AGBL1: variants seen among roughly 807,000 people sequenced by gnomAD.
AGBL1 encodes the protein cytosolic carboxypeptidase 4.
AGBL1 carries 130 observed loss-of-function variants against 118.9 expected under a neutral mutation model. The ratio of observed to expected loss-of-function variants is 1.09; its 90% confidence interval spans 0.95 to 1.26. The LOEUF is 1.26. Among genes scored for constraint, AGBL1 ranks in the 50% most tolerant of loss-of-function variants. AGBL1 has a pLI of 0.00. For synonymous variants in AGBL1, 555 were observed against 478.9 expected (o/e 1.16, Z -2.08); for missense variants, 1,584 against 1,298.1 (o/e 1.22, Z -3.38).
chr15:86,695,697 T>A (rs2086243820), intron 22 of AGBL1, among the ~76,000 whole-genome samples: 1 of 152,038 alleles, frequency 6.6e-6, no homozygotes. Flanking sequence ...ATTGCCTATT[T>A]GTGCTTTCTT....
At chr15:86,517,679 C>T (rs1447070342) in intron 18 of AGBL1, among the ~76,000 whole-genome samples, 1 of 152,150 alleles carries the variant, frequency 6.6e-6, no homozygotes, top group Admixed American at 6.6e-5. Context: ...ATTGACTCTC[C>T]TGAGCATTTT....
intron 22 of AGBL1, among the ~76,000 whole-genome samples, chr15:86,767,364 T>C (rs530474342): frequency 2.0e-5 from 3 of 151,914 alleles, no homozygotes; most frequent in African/African-American, 7.2e-5. Flanking sequence ...AAAGCCAAGC[T>C]AGGGAAAGAC....
At chr15:86,576,275 A>T (rs1184591449) in intron 21 of AGBL1, among the ~76,000 whole-genome samples, 1 of 152,206 alleles carries the variant, frequency 6.6e-6, no homozygotes, top group African/African-American at 2.4e-5. Flanking sequence ...CATCAGACAA[A>T]TTAAATTTAG....
At chr15:86,608,261 A>G (rs2084608246) in intron 21 of AGBL1, among the ~76,000 whole-genome samples, 1 of 152,170 alleles carries the variant, frequency 6.6e-6, no homozygotes, top group Admixed American at 6.5e-5. Context: ...AACTACAATA[A>G]TCTCTACTAT....
chr15:86,098,978 C>G (rs1411931291), intron 1 of AGBL1, among the ~76,000 whole-genome samples: 1 of 152,084 alleles, frequency 6.6e-6, no homozygotes, highest in East Asian at 1.9e-4. Flanking sequence ...GTGTCCTCCT[C>G]AATTTCCTTC....
chr15:86,262,585 C>CT (rs2079009777), intron 9 of AGBL1, 193 bp from the exon 10 acceptor site: 2 of 654,458 alleles, frequency 3.1e-6, no homozygotes, highest in Non-Finnish European at 5.6e-6. Flanking sequence ...GAGACAAGTC[C>CT]TTTATCTTCT....
intron 18 of AGBL1, among the ~76,000 whole-genome samples, chr15:86,448,250 G>A (rs890490906): frequency 2.0e-5 from 3 of 152,202 alleles, no homozygotes; most frequent in Non-Finnish European, 4.4e-5. Context: ...AGATGTAGAG[G>A]AGGTAGTATT....
chr15:86,389,183 C>T (rs2081241389), intron 17 of AGBL1, among the ~76,000 whole-genome samples: 1 of 151,950 alleles, frequency 6.6e-6, no homozygotes, highest in Non-Finnish European at 1.5e-5. Flanking sequence ...TAAGAAAGTT[C>T]AATAATCTGG....
intron 21 of AGBL1, among the ~76,000 whole-genome samples, chr15:86,646,165 T>C (rs117394817): frequency 6.6e-5 from 10 of 152,314 alleles, no homozygotes; most frequent in Admixed American, 1.3e-4. Context: ...AGAGTTTCAA[T>C]GCTGTCAGTA....
intron 24 of AGBL1, among the ~76,000 whole-genome samples, chr15:87,024,484 G>A (rs910937118): frequency 1.3e-4 from 19 of 151,864 alleles, no homozygotes; most frequent in South Asian, 2.1e-4. Context: ...AAATGGTAAC[G>A]TAAAAATTAC....
chr15:86,190,835 C>T (rs1338413765), intron 5 of AGBL1, among the ~76,000 whole-genome samples: 1 of 152,116 alleles, frequency 6.6e-6, no homozygotes, highest in Non-Finnish European at 1.5e-5. Flanking sequence ...AGGGGCAAAA[C>T]CCCTCTAAAA....
intron 24 of AGBL1, among the ~76,000 whole-genome samples, chr15:87,016,995 A>G (rs1217722422): frequency 6.6e-6 from 1 of 152,072 alleles, no homozygotes; most frequent in Non-Finnish European, 1.5e-5. Context: ...ATCTGTCCCT[A>G]CATCCCCTAA....
intron 22 of AGBL1, among the ~76,000 whole-genome samples, chr15:86,710,601 G>C (rs868529597): frequency 1.3e-5 from 2 of 152,172 alleles, no homozygotes; most frequent in East Asian, 3.8e-4. Context: ...GGACCAGCTA[G>C]AAGAGGAAAC....
At chr15:86,213,236 T>G (rs2078130534) in intron 5 of AGBL1, among the ~76,000 whole-genome samples, 1 of 152,140 alleles carries the variant, frequency 6.6e-6, no homozygotes, top group South Asian at 2.1e-4. Context: ...TTTCTTGGAG[T>G]TCCGCAAATC....
At chr15:86,161,479 C>T (rs557376835) in intron 5 of AGBL1, among the ~76,000 whole-genome samples, 1 of 152,296 alleles carries the variant, frequency 6.6e-6, no homozygotes, top group East Asian at 1.9e-4. Context: ...GATTTAAACC[C>T]TGTCTGATAC....
rs530935800 is a variant in AGBL1, at chr15:86,131,324, C to G, written c.52-10680C>G. Among the ~76,000 whole-genome samples, 5 of 152,238 alleles carry G rather than the reference C, an allele frequency of 3.3e-5. No individual in the cohort carries two copies. In the East Asian group the frequency reaches 9.7e-4, roughly 29 times the overall value. On this transcript the variant is annotated intron_variant, in intron 1 of 22. Transcript: ENST00000614907. ...AGAGTAGTTGACATGGATACCATCT[C>G]TTGGTGGTACACATGACAAAGCATT...
chr15:87,006,490 C>A (rs1446065911), intron 24 of AGBL1, among the ~76,000 whole-genome samples: 1 of 152,160 alleles, frequency 6.6e-6, no homozygotes, highest in Admixed American at 6.5e-5. Flanking sequence ...ACCCTCCGAG[C>A]CAGGCACGGG....
rs377741870 is a variant in AGBL1 at position 86,546,141 on chromosome 15, G to T, written c.2817+8G>T. The T allele has an allele frequency of 6.2e-7, 1 of 1,606,998 alleles. No individual in the cohort carries two copies. The highest frequency in any genetic ancestry group is 8.5e-7 in the Non-Finnish European group (1 of 1,175,238). On this transcript the variant is annotated splice_region_variant and intron_variant, in intron 20 of 22. Transcript: ENST00000614907. ...GAGGAGGTCAACTACAGGGTAAGCCGCTGTGGGGAATGACATCAGACATGC... is the reference window on the plus strand; with the variant it reads ...GAGGAGGTCAACTACAGGGTAAGCCTCTGTGGGGAATGACATCAGACATGC...
chr15:86,191,770 G>A (rs527357333), intron 5 of AGBL1, among the ~76,000 whole-genome samples: 1 of 152,002 alleles, frequency 6.6e-6, no homozygotes, highest in East Asian at 1.9e-4. Context: ...TATTGAGGAA[G>A]TAATTTATTT....
Sources: allele counts gnomAD v4.1 joint callset (sites outside exome capture counted in the v4.1 genomes callset), GRCh38; gene constraint gnomAD v4.1.1; transcripts MANE v1.5; gene names NCBI Gene and HGNC (gene_info 2026-07-23, HGNC 2026-07-21).